The following ANKRD12 variants were observed in gnomAD, a reference collection of about 807,000 sequenced individuals.
ANKRD12 encodes ankyrin repeat domain-containing protein 12.
Under a neutral mutation model 183.4 loss-of-function variants are expected in ANKRD12, and 85 were observed. The ratio of observed to expected loss-of-function variants is 0.46; its 90% CI spans 0.39 to 0.56. ANKRD12 has a LOEUF of 0.56. ANKRD12 is among the 20% of genes least tolerant of loss of function. The pLI is 0.00. For synonymous variants in ANKRD12, 914 were observed against 800.2 expected, an observed-to-expected ratio of 1.14 and a Z score of -2.40; for missense variants, 2,405 against 2,357.1, an observed-to-expected ratio of 1.02 and a Z score of -0.42.
intron 8 of ANKRD12, chr18:9,235,655 G>A: frequency 4.4e-6 from 2 of 456,228 alleles, no homozygotes; most frequent in Non-Finnish European, 8.8e-6. Context: ...CTACCAATTT[G>A]CAGGAAATGC....
chr18:9,223,322 C>T (rs1188631945), intron 8 of ANKRD12, among the ~76,000 whole-genome samples: 1 of 151,436 alleles, frequency 6.6e-6, no homozygotes, highest in African/African-American at 2.4e-5. Flanking sequence ...GGCGTGATCT[C>T]GGCTCACTGC....
intron 8 of ANKRD12, among the ~76,000 whole-genome samples, chr18:9,239,188 A>G (rs1221666805): frequency 1.3e-5 from 2 of 152,232 alleles, no homozygotes; most frequent in East Asian, 1.9e-4. Flanking sequence ...CTGTTATGCT[A>G]TTCTAAATAT....
chr18:9,207,318 GA>G (rs970083384), intron 4 of ANKRD12, among the ~76,000 whole-genome samples: 1 of 151,820 alleles, frequency 6.6e-6, no homozygotes, highest in African/African-American at 2.4e-5. Context: ...GATTATACTG[GA>G]AAAAAATAAA....
rs527317742 is a variant in ANKRD12, at chr18:9,267,893, AAAGAG to A, written c.5763+4007_5763+4011del. Among the ~76,000 whole-genome samples the A allele has an allele frequency of 1.1e-3, 171 of 152,294 alleles. 2 individuals carry two copies. Among genetic ancestry groups the A allele is most frequent in the African/African-American group, 3.9e-3 (163 of 41,558 alleles). On this transcript the variant is annotated intron_variant, in intron 10 of 12. Coordinates refer to ENST00000262126, the MANE Select transcript of ANKRD12 (RefSeq NM_015208.5). ...CCACTAGCAAGACTAATAAAGAAGA[AAAGAG>A]AGAAGAATCAAGTAGACGCAATAAA...
intron 1 of ANKRD12, among the ~76,000 whole-genome samples, chr18:9,141,297 TATA>T (rs2078306810): frequency 6.6e-6 from 1 of 152,152 alleles, no homozygotes; most frequent in African/African-American, 2.4e-5. Context: ...TGGTTGTTCA[TATA>T]ATATGAGGCT....
At chr18:9,150,189 C>T (rs561040619) in intron 1 of ANKRD12, among the ~76,000 whole-genome samples, 15 of 152,120 alleles carry the variant, frequency 9.9e-5, no homozygotes, top group Non-Finnish European at 1.9e-4. Context: ...AAAATGAATC[C>T]TTTGTTTACT....
At chr18:9,210,336 G>T (rs993345740) in intron 5 of ANKRD12, among the ~76,000 whole-genome samples, 2 of 152,138 alleles carry the variant, frequency 1.3e-5, no homozygotes, top group Non-Finnish European at 2.9e-5. Flanking sequence ...AAGCAGTGAT[G>T]AGTAAGATAG....
chr18:9,212,266 C>T (rs1268454515), intron 6 of ANKRD12, among the ~76,000 whole-genome samples: 1 of 151,978 alleles, frequency 6.6e-6, no homozygotes, highest in Non-Finnish European at 1.5e-5. Flanking sequence ...TTTAATTTCA[C>T]ATACTGCACA....
intron 1 of ANKRD12, among the ~76,000 whole-genome samples, chr18:9,166,476 G>A (rs2143876464): frequency 6.6e-6 from 1 of 152,292 alleles, no homozygotes; most frequent in African/African-American, 2.4e-5. Context: ...GGCCAGTGAT[G>A]ATGAGCATTT....
rs1315167305 is a variant in ANKRD12, at chr18:9,266,856, T to C, written c.5763+2968T>C. On this transcript the variant is annotated intron_variant, in intron 10 of 12. Transcript: ENST00000262126. ...AAAGAGTCAAGACCCATCAGTGTGC[T>C]GTATTCAGGAAACCCATCTCACGTG... Among the ~76,000 whole-genome samples the C allele has an allele frequency of 2.0e-5, 3 of 152,174 alleles. No homozygotes were observed. In the East Asian group the frequency reaches 5.8e-4, roughly 29 times the overall value.
chr18:9,208,854 A>G, intron 5 of ANKRD12, 51 bp downstream of exon 5: 2 of 1,429,836 alleles, frequency 1.4e-6, no homozygotes, highest in Non-Finnish European at 9.3e-7. Flanking sequence ...TTCCTCAGGC[A>G]ACTGTAGTCT....
At chr18:9,229,693 A>T (rs2036931078) in intron 8 of ANKRD12, among the ~76,000 whole-genome samples, 1 of 152,110 alleles carries the variant, frequency 6.6e-6, no homozygotes, top group South Asian at 2.1e-4. Context: ...ATCAGTTGTT[A>T]GTCAAATGTG....
At chr18:9,224,505 A>C (rs1033783251) in intron 8 of ANKRD12, among the ~76,000 whole-genome samples, 1 of 152,190 alleles carries the variant, frequency 6.6e-6, no homozygotes, top group African/African-American at 2.4e-5. Flanking sequence ...AGTAATTAAC[A>C]TACAGAAGTG....
intron 10 of ANKRD12, among the ~76,000 whole-genome samples, chr18:9,273,958 AT>A (rs1488738146): frequency 3.9e-5 from 6 of 152,244 alleles, no homozygotes; most frequent in Non-Finnish European, 8.8e-5. Flanking sequence ...AACCTGAGTG[AT>A]TTTATGCTAG....
intron 1 of ANKRD12, among the ~76,000 whole-genome samples, chr18:9,163,406 C>G (rs534986640): frequency 6.6e-6 from 1 of 152,164 alleles, no homozygotes; most frequent in Non-Finnish European, 1.5e-5. Flanking sequence ...GTCTGTGTGT[C>G]TGTTTTTGTA....
chr18:9,166,331 C>A (rs1413468795), intron 1 of ANKRD12, among the ~76,000 whole-genome samples: 2 of 152,146 alleles, frequency 1.3e-5, no homozygotes, highest in African/African-American at 4.8e-5. Context: ...GTTTACAGTC[C>A]CACCAACAGT....
intron 11 of ANKRD12, among the ~76,000 whole-genome samples, chr18:9,276,934 A>C (rs1738519702): frequency 6.6e-6 from 1 of 152,198 alleles, no homozygotes; most frequent in African/African-American, 2.4e-5. Flanking sequence ...AACTGCAATT[A>C]ACAGTTTAAC....
Position 9,281,100 on chromosome 18 carries a change from G to A in ANKRD12, c.6163G>A (p.Asp2055Asn), listed in dbSNP as rs986951577. The A allele has an allele frequency of 8.1e-6, 13 of 1,613,770 alleles. No homozygotes were observed. The highest frequency in any genetic ancestry group is 1.3e-5 in the African/African-American group (1 of 74,868). ...TTATGTTCCCCTTGTTGATGTTAAC[G>A]ACGACTTTGAATTGACTCCTATATA... Reference protein sequence around the residue: ...EFYVPLVDVNDDFELTPI With the variant: ...EFYVPLVDVNNDFELTPI Residue 2055 changes from aspartate (D) to asparagine (N), a missense_variant, in exon 13 of 13, where the codon GAC becomes AAC. Physicochemically the swap from Asp to Asn is conservative, Grantham distance 23. Coordinates refer to ENST00000262126, the MANE Select transcript of ANKRD12 (RefSeq NM_015208.5).
intron 11 of ANKRD12, among the ~76,000 whole-genome samples, chr18:9,277,693 A>G (rs1350368588): frequency 1.3e-5 from 2 of 152,184 alleles, no homozygotes; most frequent in African/African-American, 4.8e-5. Context: ...AATTCATAGC[A>G]GAGCTGGAAA....
Sources: allele counts gnomAD v4.1 joint callset (sites outside exome capture counted in the v4.1 genomes callset), GRCh38; gene constraint gnomAD v4.1.1; transcripts MANE v1.5; gene names NCBI Gene and HGNC (gene_info 2026-07-23, HGNC 2026-07-21).